Variants in ADCY1 observed in about 807,000 individuals in gnomAD.
ADCY1 encodes adenylate cyclase 1, also known as adenylate cyclase type 1.
ADCY1 carries 28 observed loss-of-function variants against 105.4 expected under a neutral mutation model. The ratio of observed to expected loss-of-function variants is 0.27; its 90% CI spans 0.20 to 0.36. ADCY1 has a LOEUF of 0.36. Ranked by LOEUF, ADCY1 falls within the 10% of genes least tolerant of loss-of-function variation. The probability of loss-of-function intolerance (pLI) is 1.00; values close to 1 mark genes in which losing one functional copy is unlikely to be tolerated. For missense variants in ADCY1, 977 were observed against 1,434.2 expected (o/e 0.68, Z 5.15); for synonymous variants, 655 against 623.8 (o/e 1.05, Z -0.75).
In ADCY1 at chr7:45,588,223, C is replaced by T. The variant is rs1046031254; in HGVS notation, c.640-4536C>T. Among the ~76,000 whole-genome samples the T allele has an allele frequency of 1.2e-4, 19 of 152,094 alleles. 1 individual carries two copies. The highest frequency in any genetic ancestry group is 5.2e-4 in the Admixed American group (8 of 15,286). Reference sequence around the variant, plus strand: ...TTGGCTCCTGTGTCCTTTGATACACCCCCTCCCCATCATTTGTGTGTGTGC... The same window carrying T: ...TTGGCTCCTGTGTCCTTTGATACACTCCCTCCCCATCATTTGTGTGTGTGC... On this transcript the variant is annotated intron_variant, in intron 1 of 19. Transcript: ENST00000297323.
At position 45,718,167 on chromosome 7, in the gene ADCY1, G is replaced by A. The variant is rs1016895348; in HGVS notation, c.*4172G>A. ...TGTCACCACACCCTTGCTTGGATGA[G>A]GAAGGAAGGAGGCAAAGGCACCCAC... On this transcript the variant is annotated 3_prime_UTR_variant, in exon 20 of 20. Transcript: ENST00000297323. 1.3e-5 allele frequency: 2 copies of A among 152,262 alleles called. No individual in the cohort carries two copies. Among genetic ancestry groups the A allele is most frequent in the Non-Finnish European group, 2.9e-5 (2 of 68,120 alleles). 9.4% of individuals were successfully genotyped at this position (152,262 alleles called of 1,614,324 possible). A position where few individuals can be genotyped will look rare whatever the true frequency, so the allele number is the denominator to read the frequency against.
intron 4 of ADCY1, among the ~76,000 whole-genome samples, chr7:45,639,809 C>T (rs933629936): frequency 3.3e-5 from 5 of 152,106 alleles, no homozygotes; most frequent in African/African-American, 1.2e-4. Context: ...GTTAGACAAC[C>T]CCCATGAGAC....
At position 45,575,071 on chromosome 7, in the gene ADCY1, G is replaced by A. The variant is rs1020117674; in HGVS notation, c.528G>A (p.Leu176=). The change falls in exon 1 of 20, where the codon TTG becomes TTA. Residue 176 remains leucine, a synonymous_variant. Transcript: ENST00000297323. The surrounding 1 kb of genome is among the most constrained non-coding windows in gnomAD (Gnocchi z 4.7). The part of the protein sequence containing the change: ...LLLVTFVSYA[L]LPVRSLLAIG... ...TGGTCACCTTCGTGTCCTATGCCTT[G>A]CTGCCCGTGCGCAGCCTGCTGGCCA... is the stretch of plus-strand genomic sequence containing the variant. The A allele has an allele frequency of 6.2e-7, 1 of 1,612,764 alleles. No individual in the cohort carries two copies. Among genetic ancestry groups the A allele is most frequent in the Middle Eastern group, 1.7e-4 (1 of 6,018 alleles).
intron 14 of ADCY1, among the ~76,000 whole-genome samples, chr7:45,694,881 G>T (rs1784851083): frequency 6.6e-6 from 1 of 152,244 alleles, no homozygotes; most frequent in African/African-American, 2.4e-5. Context: ...AACTTTGGGG[G>T]TTGTTCCCTA....
chr7:45,650,303 C>T (rs184696849), intron 5 of ADCY1, among the ~76,000 whole-genome samples: 1 of 152,016 alleles, frequency 6.6e-6, no homozygotes, highest in Non-Finnish European at 1.5e-5. Flanking sequence ...CTTAATGGAT[C>T]ACATCATATC....
intron 14 of ADCY1, among the ~76,000 whole-genome samples, chr7:45,691,959 T>C (rs1784793552): frequency 6.6e-6 from 1 of 151,188 alleles, no homozygotes; most frequent in Non-Finnish European, 1.5e-5. Flanking sequence ...ATCATGCTTC[T>C]TGGACCCTGA....
chr7:45,599,795 T>TA, intron 2 of ADCY1, among the ~76,000 whole-genome samples: 1 of 152,058 alleles, frequency 6.6e-6, no homozygotes, highest in Non-Finnish European at 1.5e-5. Flanking sequence ...TCCAGCTAAT[T>TA]TTGTATTTTT....
chr7:45,720,868 G>C lies in ADCY1; in HGVS notation c.*6873G>C, dbSNP rs1562740422. The C allele has an allele frequency of 6.6e-6, 1 of 152,144 alleles. No individual in the cohort carries two copies. The highest frequency in any genetic ancestry group is 1.5e-5 in the Non-Finnish European group (1 of 68,036). 9.4% of individuals were successfully genotyped at this position (152,144 alleles called of 1,614,324 possible). A position where few individuals can be genotyped will look rare whatever the true frequency, so the allele number is the denominator to read the frequency against. On this transcript the variant is annotated 3_prime_UTR_variant, in exon 20 of 20. Transcript: ENST00000297323. ...TTCACCTCACTCTCTACTTCAAACA[G>C]CCCATGGAGGGAGGTATTATTATAC... is the stretch of plus-strand genomic sequence containing the variant.
chr7:45,593,398 A>C (rs1435654791), intron 2 of ADCY1, among the ~76,000 whole-genome samples: 1 of 152,198 alleles, frequency 6.6e-6, no homozygotes, highest in Non-Finnish European at 1.5e-5. Context: ...TACAGCACCC[A>C]CAGCCCTTGG....
chr7:45,599,471 C>T (rs955839489), intron 2 of ADCY1, among the ~76,000 whole-genome samples: 5 of 151,102 alleles, frequency 3.3e-5, no homozygotes, highest in African/African-American at 1.2e-4. Flanking sequence ...GTATCAGCTC[C>T]GGGAATCCCA....
chr7:45,683,450 G>C (rs576404220), intron 11 of ADCY1, among the ~76,000 whole-genome samples: 2 of 152,190 alleles, frequency 1.3e-5, no homozygotes, highest in East Asian at 3.9e-4. Flanking sequence ...TGTGTCATTT[G>C]GGCTGAAGTG....
In ADCY1 at chr7:45,622,046, T is replaced by C. The variant is rs557106033; in HGVS notation, c.909-586T>C. Among the ~76,000 whole-genome samples the C allele has an allele frequency of 2.0e-4, 30 of 152,232 alleles. No homozygotes were observed. The East Asian group carries it at 5.6e-3, about 28-fold the overall frequency. Reference sequence around the variant, plus strand: ...GGGCTGCCCCCAGTGCTGTGATAAATAGACACTCAGTACGTAGAGGCTTTG... The same window carrying C: ...GGGCTGCCCCCAGTGCTGTGATAAACAGACACTCAGTACGTAGAGGCTTTG... On this transcript the variant is annotated intron_variant, in intron 3 of 19. Transcript: ENST00000297323.
chr7:45,666,526 ATTG>A (rs1784258833), intron 8 of ADCY1, among the ~76,000 whole-genome samples: 1 of 152,184 alleles, frequency 6.6e-6, no homozygotes, highest in South Asian at 2.1e-4. Flanking sequence ...ACAGTCTGTC[ATTG>A]TTGGACATTT....
At position 45,657,893 on chromosome 7, in the gene ADCY1, G is replaced by A. The variant is rs374238495; in HGVS notation, c.1307+8G>A. The A allele has an allele frequency of 5.8e-5, 93 of 1,604,606 alleles. No individual in the cohort carries two copies. Among genetic ancestry groups the A allele is most frequent in the South Asian group, 5.1e-4 (46 of 89,544 alleles). The stretch of plus-strand genomic sequence containing the variant: ...AGCCGCTGGCCTGCCAGGGTAAGTC[G>A]GGGATGGGGTGGGGAGGGGAGGGAG... On this transcript the variant is annotated splice_region_variant and intron_variant, in intron 6 of 19. Coordinates refer to ENST00000297323, the MANE Select transcript of ADCY1 (RefSeq NM_021116.4).
chr7:45,645,871 G>A (rs1219396318), intron 4 of ADCY1, among the ~76,000 whole-genome samples: 1 of 152,014 alleles, frequency 6.6e-6, no homozygotes, highest in Non-Finnish European at 1.5e-5. Flanking sequence ...GGGCATTGTG[G>A]CTCTTGTGGG....
At chr7:45,712,169 TTA>T (rs1206458000) in intron 19 of ADCY1, among the ~76,000 whole-genome samples, 2 of 142,584 alleles carry the variant, frequency 1.4e-5, no homozygotes, top group Non-Finnish European at 3.0e-5. Flanking sequence ...TTTAAATATT[TTA>T]TAATTTTATT....
In ADCY1 at chr7:45,622,683, A is replaced by G; in HGVS notation, c.960A>G (p.Thr320=). ...TCACGGGCTTGGCATCCCAGTGCAC[A>G]GCCCAGGAGCTGGTGAAACTCCTCA... is the stretch of plus-strand genomic sequence containing the variant. ...VGFTGLASQC[T]AQELVKLLNE... Residue 320 remains threonine, a synonymous_variant, in exon 4 of 20, where the codon ACA becomes ACG. Transcript: ENST00000297323. 1 of 1,614,144 alleles carries G rather than the reference A, an allele frequency of 6.2e-7. No individual in the cohort carries two copies. Among genetic ancestry groups the G allele is most frequent in the South Asian group, 1.1e-5 (1 of 91,076 alleles).
rs1019531526 is a variant in ADCY1, at chr7:45,686,825, G to A, written c.2454+152G>A. On this transcript the variant is annotated intron_variant, in intron 14 of 19. Coordinates refer to ENST00000297323, the MANE Select transcript of ADCY1 (RefSeq NM_021116.4). This position sits in a 1 kb window ranked among gnomAD's most constrained non-coding sequence, Gnocchi z 4.3. The stretch of plus-strand genomic sequence containing the variant: ...GCAGCATGCAAGCCAGGCACTGTCC[G>A]GGGATGGAGGAGACCTATGCTGGGG... 3.3e-5 allele frequency: 40 copies of A among 1,198,476 alleles called. No individual in the cohort carries two copies. Among genetic ancestry groups the A allele is most frequent in the Non-Finnish European group, 4.3e-5 (38 of 884,928 alleles). 74.2% of individuals were successfully genotyped at this position (1,198,476 alleles called of 1,614,324 possible).
At chr7:45,599,672 G>C (rs1208516372) in intron 2 of ADCY1, among the ~76,000 whole-genome samples, 1 of 150,980 alleles carries the variant, frequency 6.6e-6, no homozygotes, top group Admixed American at 6.6e-5. Context: ...TGTCACCCCA[G>C]CTTGAGTACA....
Sources: allele counts gnomAD v4.1 joint callset (sites outside exome capture counted in the v4.1 genomes callset), GRCh38; gene constraint gnomAD v4.1.1; non-coding constraint Gnocchi (gnomAD v3.1); transcripts MANE v1.5; gene names NCBI Gene and HGNC (gene_info 2026-07-23, HGNC 2026-07-21).